Variants in CSGALNACT1 observed in about 807,000 individuals in gnomAD.
CSGALNACT1 encodes the protein beta4GalNAcT-1.
In CSGALNACT1, 52 loss-of-function variants were observed where a neutral mutation model predicts 51.0. That is an observed-to-expected ratio of 1.02 (90% CI 0.82 to 1.29). CSGALNACT1 has a LOEUF of 1.29. Ranked by LOEUF, CSGALNACT1 falls within the 50% of genes most tolerant of loss-of-function variation. The probability of loss-of-function intolerance (pLI) is 0.00; values close to 1 mark genes in which losing one functional copy is unlikely to be tolerated. For synonymous variants in CSGALNACT1, 341 were observed against 254.4 expected (o/e 1.34, Z -3.24); for missense variants, 935 against 679.2 (o/e 1.38, Z -4.19).
intron 4 of CSGALNACT1, among the ~76,000 whole-genome samples, chr8:19,477,696 G>A (rs2070106437): frequency 6.6e-6 from 1 of 152,184 alleles, no homozygotes; most frequent in African/African-American, 2.4e-5. Flanking sequence ...TGGGCAAGGT[G>A]CTTAACCTTT....
intron 5 of CSGALNACT1, among the ~76,000 whole-genome samples, chr8:19,448,195 G>C (rs1484469852): frequency 2.0e-5 from 3 of 152,150 alleles, no homozygotes; most frequent in Non-Finnish European, 4.4e-5. Flanking sequence ...GAAAAATTGT[G>C]TTTCTTGCAG....
intron 4 of CSGALNACT1, among the ~76,000 whole-genome samples, chr8:19,502,441 G>C (rs1209624970): frequency 1.3e-5 from 2 of 152,186 alleles, no homozygotes; most frequent in African/African-American, 2.4e-5. Context: ...CAATTAGCCT[G>C]AAGTGTTACA....
intron 3 of CSGALNACT1, among the ~76,000 whole-genome samples, chr8:19,563,742 C>T (rs1252706081): frequency 6.6e-6 from 1 of 152,154 alleles, no homozygotes; most frequent in Non-Finnish European, 1.5e-5. Context: ...CGGATCCAGC[C>T]TCCTAACACA....
upstream of CSGALNACT1, among the ~76,000 whole-genome samples, chr8:19,603,133 T>TAAAA (rs2050812552): frequency 7.7e-5 from 6 of 78,408 alleles, no homozygotes; most frequent in African/African-American, 2.7e-4. Flanking sequence ...AAAAAAAAAG[T>TAAAA]AGAAAGAAAG....
chr8:19,553,620 C>CATACATATATATATATATATAT (rs1386703624), intron 3 of CSGALNACT1, among the ~76,000 whole-genome samples: 7 of 71,580 alleles, frequency 9.8e-5, no homozygotes, highest in African/African-American at 5.5e-4. Context: ...TATATAAATA[C>CATACATATATATATATATATAT]ATATATATAT....
intron 3 of CSGALNACT1, among the ~76,000 whole-genome samples, chr8:19,529,889 T>C (rs2082403692): frequency 6.6e-6 from 1 of 152,232 alleles, no homozygotes; most frequent in Non-Finnish European, 1.5e-5. Context: ...TACTATTATT[T>C]GTATAATTTT....
At chr8:19,614,619 CAG>C (rs1408516897) in intron 1 of CSGALNACT1, among the ~76,000 whole-genome samples, 1 of 152,046 alleles carries the variant, frequency 6.6e-6, no homozygotes, top group African/African-American at 2.4e-5. Context: ...TCTTTTTCAA[CAG>C]AGATTGGTTT....
intron 4 of CSGALNACT1, among the ~76,000 whole-genome samples, chr8:19,462,772 C>T (rs1166852255): frequency 6.6e-6 from 1 of 152,156 alleles, no homozygotes; most frequent in Non-Finnish European, 1.5e-5. Flanking sequence ...TTCATTATAT[C>T]CTATCAATCT....
chr8:19,492,733 C>T (rs1275326241), intron 4 of CSGALNACT1, among the ~76,000 whole-genome samples: 5 of 152,214 alleles, frequency 3.3e-5, no homozygotes, highest in Admixed American at 1.3e-4. Context: ...ATAATGCTGC[C>T]AGTTATTAGG....
chr8:19,646,548 C>A (rs2057297337), intron 1 of CSGALNACT1, among the ~76,000 whole-genome samples: 1 of 152,104 alleles, frequency 6.6e-6, no homozygotes, highest in South Asian at 2.1e-4. Context: ...GATGTGACAG[C>A]CCCTTATATT....
At chr8:19,683,307 C>T (rs1016226355), upstream of CSGALNACT1, 1 of 152,168 alleles carries the variant, frequency 6.6e-6, no homozygotes, top group Non-Finnish European at 1.5e-5. Context: ...TCGCCACCTC[C>T]CACAGCCTGG....
intron 4 of CSGALNACT1, among the ~76,000 whole-genome samples, chr8:19,466,647 G>C (rs979424493): frequency 2.6e-5 from 4 of 152,196 alleles, no homozygotes; most frequent in African/African-American, 9.7e-5. Flanking sequence ...TATAGGTAAA[G>C]TAGTAAACTT....
chr8:19,587,458 AT>A (rs1191867803), intron 3 of CSGALNACT1, among the ~76,000 whole-genome samples: 1 of 152,190 alleles, frequency 6.6e-6, no homozygotes, highest in Non-Finnish European at 1.5e-5. Flanking sequence ...CCCACCTAGG[AT>A]GGGGCTCCAA....
chr8:19,689,093 C>T (rs184310219), intron 1 of CSGALNACT1, among the ~76,000 whole-genome samples: 1 of 152,300 alleles, frequency 6.6e-6, no homozygotes, highest in Admixed American at 6.5e-5. Context: ...ATCTTTGATT[C>T]TCCTCTTAAT....
intron 1 of CSGALNACT1, among the ~76,000 whole-genome samples, chr8:19,622,803 A>AG (rs1463004907): frequency 6.6e-6 from 1 of 152,222 alleles, no homozygotes; most frequent in African/African-American, 2.4e-5. Flanking sequence ...GCAAGAAAGG[A>AG]GAAAAAAAGA....
chr8:19,601,564 G>A (rs989832512), intron 2 of CSGALNACT1, among the ~76,000 whole-genome samples: 1 of 152,206 alleles, frequency 6.6e-6, no homozygotes, highest in African/African-American at 2.4e-5. Context: ...AGATGTTACA[G>A]CCTTTAAAAA....
At chr8:19,459,696 T>C (rs2153819951) in intron 4 of CSGALNACT1, among the ~76,000 whole-genome samples, 1 of 152,296 alleles carries the variant, frequency 6.6e-6, no homozygotes, top group South Asian at 2.1e-4. Context: ...AAAAATTACT[T>C]CATGCTCCTG....
intron 1 of CSGALNACT1, among the ~76,000 whole-genome samples, chr8:19,734,833 T>C (rs908679131): frequency 3.9e-5 from 6 of 152,038 alleles, no homozygotes; most frequent in African/African-American, 7.3e-5. Context: ...TATGTGTATA[T>C]GTATATATGT....
chr8:19,507,417 G>A (rs746058970), intron 3 of CSGALNACT1, among the ~76,000 whole-genome samples: 1 of 149,826 alleles, frequency 6.7e-6, no homozygotes, highest in Non-Finnish European at 1.5e-5. Context: ...TCCCCCTGGG[G>A]TCACCCTTCC....
Sources: gnomAD v4.1 joint callset for allele counts (sites outside exome capture counted in the v4.1 genomes callset) on GRCh38, gnomAD v4.1.1 for gene constraint, MANE v1.5 for transcripts, NCBI Gene and HGNC (gene_info 2026-07-23, HGNC 2026-07-21) for gene names.